JAKMIP3: variants seen among roughly 807,000 people sequenced by gnomAD.
JAKMIP3 encodes janus kinase and microtubule-interacting protein 3.
A neutral mutation model predicts 118.5 loss-of-function variants in JAKMIP3; 58 were observed. The observed-to-expected ratio is 0.49, with a 90% CI of 0.40 to 0.61. The LOEUF is 0.61. JAKMIP3 is among the 20% of genes least tolerant of loss of function. The pLI, the probability that JAKMIP3 is intolerant of heterozygous loss-of-function variation, is 0.00. For missense variants in JAKMIP3, 950 were observed against 1,109.0 expected, an observed-to-expected ratio of 0.86 and a Z score of 2.04; for synonymous variants, 486 against 451.2, an observed-to-expected ratio of 1.08 and a Z score of -0.98.
intron 19 of JAKMIP3, among the ~76,000 whole-genome samples, chr10:132,160,919 A>G (rs867305877): frequency 0.14 from 200 of 1,474 alleles, 13 homozygotes; most frequent in Middle Eastern, 0.5. Flanking sequence ...GTGTGATGCT[A>G]GGGGGTCTCT....
chr10:132,068,669 C>T (rs965119672), intron 1 of JAKMIP3, among the ~76,000 whole-genome samples: 5 of 152,200 alleles, frequency 3.3e-5, no homozygotes, highest in East Asian at 3.9e-4. Context: ...GCTTTCTTTG[C>T]AGACGTCTTA....
intron 2 of JAKMIP3, 123 bp downstream of exon 2, chr10:132,105,066 G>T (rs937254737): frequency 1.6e-5 from 19 of 1,180,808 alleles, no homozygotes; most frequent in Non-Finnish European, 2.2e-5. Context: ...AGTCCTAAAG[G>T]CTGCTTGGGA....
chr10:132,076,021 CACAT>C (rs1234431502), intron 1 of JAKMIP3, among the ~76,000 whole-genome samples: 1 of 152,160 alleles, frequency 6.6e-6, no homozygotes, highest in Non-Finnish European at 1.5e-5. Flanking sequence ...AAATGTAACT[CACAT>C]ACCACACAGT....
At chr10:132,078,064 G>A (rs1466005669) in intron 1 of JAKMIP3, among the ~76,000 whole-genome samples, 1 of 152,140 alleles carries the variant, frequency 6.6e-6, no homozygotes, top group East Asian at 1.9e-4. Context: ...CGCACGTCTT[G>A]GCCTCCCAAA....
intron 23 of JAKMIP3, among the ~76,000 whole-genome samples, chr10:132,180,776 T>TGCGC (rs1339093105): frequency 2.2e-5 from 1 of 44,618 alleles, no homozygotes; most frequent in Non-Finnish European, 4.3e-5. Flanking sequence ...TGTGCGTGTG[T>TGCGC]GTGTGTGCGC....
chr10:132,159,631 T>TTGTGATGCTGGGGGGCCTCTCCCTA (rs2057692714), intron 19 of JAKMIP3, among the ~76,000 whole-genome samples: 1 of 63,808 alleles, frequency 1.6e-5, no homozygotes, highest in African/African-American at 6.3e-5. Flanking sequence ...TCCTCTTCCT[T>TTGTGATGCTGGGGGGCCTCTCCCTA]TGTGATGCTG....
rs1158667097 is a variant in JAKMIP3 at position 132,180,550 on chromosome 10, CGT to C, written c.*1104-1805_*1104-1804del. Among the ~76,000 whole-genome samples, 10 of 6,356 alleles carry C rather than the reference CGT, an allele frequency of 1.6e-3. 3 individuals are homozygous for C. The highest frequency in any genetic ancestry group is 4.3e-3 in the South Asian group (1 of 230). 4.2% of individuals were successfully genotyped at this position (6,356 alleles called of 152,430 possible). On this transcript the variant is annotated intron_variant, in intron 23 of 23. Transcript: ENST00000684848. ...GTGTGTGTGTGTGTGTGTGTGCGTG[CGT>C]GCATGCGTGTGTGTGCGTGTGTGTG...
At chr10:132,059,523 G>T (rs1040923016) in intron 1 of JAKMIP3, among the ~76,000 whole-genome samples, 1 of 152,268 alleles carries the variant, frequency 6.6e-6, no homozygotes, top group Non-Finnish European at 1.5e-5. Flanking sequence ...GCCAGGCTCA[G>T]CCCTGAGGCT....
At chr10:132,069,208 ACC>A (rs1021068410) in intron 1 of JAKMIP3, among the ~76,000 whole-genome samples, 5 of 151,472 alleles carry the variant, frequency 3.3e-5, no homozygotes, top group Admixed American at 3.3e-4. Context: ...ACTTTGAAGG[ACC>A]CCAGGTCTTC....
chr10:132,075,188 T>C (rs1180934729), intron 1 of JAKMIP3, among the ~76,000 whole-genome samples: 1 of 152,200 alleles, frequency 6.6e-6, no homozygotes, highest in Non-Finnish European at 1.5e-5. Flanking sequence ...GGTTGTTTTT[T>C]CTAATTCTGT....
At chr10:132,062,731 T>C (rs2038438992), upstream of JAKMIP3, among the ~76,000 whole-genome samples, 1 of 152,146 alleles carries the variant, frequency 6.6e-6, no homozygotes, top group African/African-American at 2.4e-5. Flanking sequence ...CAGGTCTCAG[T>C]CATGAGACAG....
intron 19 of JAKMIP3, among the ~76,000 whole-genome samples, chr10:132,159,876 GTCTCTTCCTGTGTGATGCTGGGGGGT>G: frequency 1.8e-5 from 1 of 56,180 alleles, no homozygotes; most frequent in Non-Finnish European, 3.4e-5. Context: ...TGCTGGGGGG[GTCTCTTCCTGTGTGATGCTGGGGGGT>G]CTCTTCCTGT....
intron 23 of JAKMIP3, among the ~76,000 whole-genome samples, chr10:132,171,644 T>C (rs999806417): frequency 6.2e-4 from 85 of 136,700 alleles, no homozygotes; most frequent in Admixed American, 1.8e-3. Context: ...TGTCTTATTT[T>C]TTTCTTTCTT....
intron 1 of JAKMIP3, among the ~76,000 whole-genome samples, chr10:132,059,471 T>A (rs2038333657): frequency 6.6e-6 from 1 of 152,254 alleles, no homozygotes; most frequent in African/African-American, 2.4e-5. Context: ...CCTGGCGTGG[T>A]GACCACAGCA....
chr10:132,120,597 C>T (rs1255679891), intron 3 of JAKMIP3, among the ~76,000 whole-genome samples: 1 of 152,260 alleles, frequency 6.6e-6, no homozygotes, highest in Non-Finnish European at 1.5e-5. Context: ...ATGCCCATAT[C>T]ACAAGAGGTG....
intron 3 of JAKMIP3, among the ~76,000 whole-genome samples, chr10:132,127,006 C>T (rs947543990): frequency 1.3e-4 from 20 of 152,012 alleles, no homozygotes; most frequent in Admixed American, 4.6e-4. Context: ...GTTTGTTCAA[C>T]GTAAGTATAT....
At chr10:132,075,574 T>C (rs538406211) in intron 1 of JAKMIP3, among the ~76,000 whole-genome samples, 1 of 152,188 alleles carries the variant, frequency 6.6e-6, no homozygotes, top group Non-Finnish European at 1.5e-5. Flanking sequence ...CACACTGGGC[T>C]AATTTATATA....
At position 132,180,742 on chromosome 10, in the gene JAKMIP3, C is replaced by CGTGTGTGTGTGTGTGT. The variant is rs1262889146; in HGVS notation, c.*1104-1612_*1104-1611insTGTGTGTGTGTGTGTG. On this transcript the variant is annotated intron_variant, in intron 23 of 23. Transcript: ENST00000684848. ...GTGCGTGTGTGTGCGTGTGTGCGTG[C>CGTGTGTGTGTGTGTGT]GTGCGCGCGCGTGTGTGCGTGTGTG... 1.3e-3 allele frequency among the ~76,000 whole-genome samples: 11 copies of CGTGTGTGTGTGTGTGT among 8,716 alleles called. 1 individual carries two copies. The highest frequency in any genetic ancestry group is 2.5e-3 in the Admixed American group (2 of 806). 5.7% of individuals were successfully genotyped at this position (8,716 alleles called of 152,430 possible). A position where few individuals can be genotyped will look rare whatever the true frequency, so the allele number is the denominator to read the frequency against.
At chr10:132,147,759 A>G (rs2054922409) in intron 13 of JAKMIP3, among the ~76,000 whole-genome samples, 193 bp from the exon 14 acceptor site, 1 of 152,130 alleles carries the variant, frequency 6.6e-6, no homozygotes, top group African/African-American at 2.4e-5. Flanking sequence ...CCCACCCACC[A>G]CCGGATGGCT....
Sources: allele counts gnomAD v4.1 joint callset (sites outside exome capture counted in the v4.1 genomes callset), GRCh38; gene constraint gnomAD v4.1.1; transcripts MANE v1.5; gene names NCBI Gene and HGNC (gene_info 2026-07-23, HGNC 2026-07-21).